Variants in ZNF117 observed in about 807,000 individuals in gnomAD.
ZNF117 encodes the protein Krueppel-related zinc finger protein.
A neutral mutation model predicts 41.2 loss-of-function variants in ZNF117; 37 were observed. The observed-to-expected ratio is 0.90, with a 90% confidence interval of 0.69 to 1.18. The LOEUF is 1.18. Among genes scored for constraint, ZNF117 ranks in the 50% most tolerant of loss-of-function variants. The pLI, the probability that ZNF117 is intolerant of heterozygous loss-of-function variation, is 0.00. For missense variants in ZNF117, 546 were observed against 557.5 expected (o/e 0.98, Z 0.21); for synonymous variants, 186 against 186.6 (o/e 1.00, Z 0.02).
At chr7:64,982,246 A>T (rs1786047841), upstream of ZNF117, 1 of 391,166 alleles carries the variant, frequency 2.6e-6, no homozygotes, top group African/African-American at 2.1e-5. Context: ...GGAGTGAATG[A>T]AACTATCCAT....
chr7:64,973,820 T>G (rs1785821475), downstream of ZNF117: 1 of 151,890 alleles, frequency 6.6e-6, no homozygotes, highest in African/African-American at 2.4e-5. Context: ...TCAGCAAAAT[T>G]TAGCTTTGCA....
In ZNF117 at chr7:64,979,215, CA is replaced by C. The variant is rs755272534; in HGVS notation, c.355del (p.Cys119AlafsTer6). ...ATGTTGAGTTAGGTGTGAAAGCATG[CA>C]AAATGTTTTGCGACATTCTTTACAT... On this transcript the variant is annotated frameshift_variant, in exon 3 of 3. Coordinates refer to ENST00000620222, the Ensembl canonical transcript of ZNF117. LOFTEE classifies it high-confidence loss of function. 4 of 1,609,364 alleles carry C rather than the reference CA, an allele frequency of 2.5e-6. No individual in the cohort carries two copies. The highest frequency in any genetic ancestry group is 3.4e-6 in the Non-Finnish European group (4 of 1,178,204).
chr7:64,976,239 C>G (rs537690687), exon 3 of ZNF117: 1 of 152,428 alleles, frequency 6.6e-6, no homozygotes, highest in East Asian at 1.9e-4. Context: ...GTCAGGAGTT[C>G]AAGATCAGCC....
chr7:64,980,656 A>C (rs1463938996), intron 2 of ZNF117: 3 of 151,988 alleles, frequency 2.0e-5, no homozygotes, highest in Non-Finnish European at 4.4e-5. Context: ...AGACAAGAGA[A>C]TATTGTGAGT....
intron 1 of ZNF117, among the ~76,000 whole-genome samples, 188 bp from the exon 3 acceptor site, chr7:64,981,670 G>C (rs761441361): frequency 6.6e-6 from 1 of 151,892 alleles, no homozygotes; most frequent in Non-Finnish European, 1.5e-5. Flanking sequence ...TTCACTACCT[G>C]GTACTACTGA....
intron 2 of ZNF117, 81 bp downstream of exon 3, chr7:64,981,306 C>T (rs1786027372): frequency 5.1e-6 from 8 of 1,554,636 alleles, no homozygotes; most frequent in Non-Finnish European, 7.1e-6. Flanking sequence ...ACACAGCTTA[C>T]CAAATCACAT....
At chr7:64,972,516 A>G (rs1785799512), downstream of ZNF117, 2 of 152,210 alleles carry the variant, frequency 1.3e-5, no homozygotes, top group Middle Eastern at 3.4e-3. Context: ...GGAGGACATC[A>G]TATTTGTCTA....
In ZNF117 at chr7:64,976,832, A is replaced by C. The variant is rs529150273; in HGVS notation, c.*1287T>G. 5.1e-5 allele frequency: 21 copies of C among 413,602 alleles called. No individual in the cohort carries two copies. In the East Asian group the frequency reaches 1.4e-3, roughly 27 times the overall value. The allele number at this position is 413,602 out of a possible 1,614,324, so 25.6% of individuals were successfully genotyped here. ...TCAGGTTTGTAAAGTTTCCAGTATT[A>C]ATTTTCTTATGTTTAGTAAAGTTTG... On this transcript the variant is annotated 3_prime_UTR_variant, in exon 3 of 3. Coordinates refer to ENST00000620222, the Ensembl canonical transcript of ZNF117.
rs777909640 is a variant in ZNF117, at chr7:64,981,460, G to T, written c.-40C>A. 3.1e-6 allele frequency: 5 copies of T among 1,609,814 alleles called. No homozygotes were observed. In the African/African-American group the frequency reaches 6.7e-5, roughly 22 times the overall value. ...TTCCTTGCTCCAGACAGGTAATCAG[G>T]TCTGGCTTAGAGACAGCAATACCTG... On this transcript the variant is annotated 5_prime_UTR_variant, in exon 2 of 3. Coordinates refer to ENST00000620222, the Ensembl canonical transcript of ZNF117.
Position 64,978,793 on chromosome 7 carries a change from G to A in ZNF117, c.778C>T (p.Arg260Ter), listed in dbSNP as rs373351021. The change falls in exon 3 of 3, where the codon CGA becomes TGA. Residue 260 changes from arginine to a stop codon, truncating the protein, a stop_gained. Transcript: ENST00000620222. LOFTEE classifies it high-confidence loss of function. ...TTATGTTCAGTAAGTTTTGAGGATC[G>A]GTTAAAAGCTTTGCCGCATTCTTCA... 26 of 1,613,250 alleles carry A rather than the reference G, an allele frequency of 1.6e-5. No homozygotes were observed. The highest frequency in any genetic ancestry group is 8.9e-5 in the East Asian group (4 of 44,844).
exon 1 of ZNF117, chr7:64,991,025 G>T: frequency 2.0e-6 from 1 of 491,696 alleles, no homozygotes; most frequent in Non-Finnish European, 3.6e-6. Context: ...TACTTAGTTA[G>T]GGCCATTAGT....
chr7:64,978,974 G>A (rs770318261), exon 3 of ZNF117: 10 of 1,613,160 alleles, frequency 6.2e-6, no homozygotes, highest in Non-Finnish European at 8.5e-6. Context: ...TAAAGGCTTT[G>A]CCACATTCTT....
Position 64,978,218 on chromosome 7 carries a change from GC to G in ZNF117, c.1352del (p.Gly451AlafsTer15). 1 of 1,612,434 alleles carries G rather than the reference GC, an allele frequency of 6.2e-7. No individual in the cohort carries two copies. The highest frequency in any genetic ancestry group is 8.5e-7 in the Non-Finnish European group (1 of 1,179,436). On this transcript the variant is annotated frameshift_variant, in exon 3 of 3. Coordinates refer to ENST00000620222, the Ensembl canonical transcript of ZNF117. LOFTEE classifies it high-confidence loss of function. ...GTGTTGAAGATTGGTTAAAAGCTTT[GC>G]CACATTCTTCACATTTGTAGGGTTT...
chr7:64,979,130 G>T (rs1584047993), exon 3 of ZNF117: 1 of 1,610,560 alleles, frequency 6.2e-7, no homozygotes, highest in Non-Finnish European at 8.5e-7. Context: ...TTGAGGACCA[G>T]TTAAAGGCTC....
chr7:64,989,475 A>G (rs1399866498), intron 1 of ZNF117, among the ~76,000 whole-genome samples: 2 of 115,112 alleles, frequency 1.7e-5, no homozygotes, highest in Middle Eastern at 4.3e-3. Flanking sequence ...ATATATATAT[A>G]TATATATATA....
chr7:64,981,486 T>A lies in ZNF117; in HGVS notation c.-62-4A>T, dbSNP rs1786032785. 5 of 1,570,004 alleles carry A rather than the reference T, an allele frequency of 3.2e-6. No individual in the cohort carries two copies. Among genetic ancestry groups the A allele is most frequent in the Non-Finnish European group, 4.4e-6 (5 of 1,141,148 alleles). ...TCTGGCTTAGAGACAGCAATACCTGTTTTATTGAAAATAAATAACATAAAT... is the reference window on the plus strand; with the variant it reads ...TCTGGCTTAGAGACAGCAATACCTGATTTATTGAAAATAAATAACATAAAT... On this transcript the variant is annotated splice_polypyrimidine_tract_variant and splice_region_variant and intron_variant, in intron 1 of 2. Transcript: ENST00000620222.
At chr7:64,977,877 G>C in exon 3 of ZNF117, 1 of 1,178,984 alleles carries the variant, frequency 8.5e-7, no homozygotes, top group East Asian at 2.4e-5. Context: ...TCAATTAAAA[G>C]CTCTGCCACA....
upstream of ZNF117, among the ~76,000 whole-genome samples, chr7:64,984,179 T>C (rs910239675): frequency 3.9e-5 from 6 of 152,178 alleles, no homozygotes; most frequent in Non-Finnish European, 8.8e-5. Flanking sequence ...TCATCCAGGC[T>C]GGAGTGTAGT....
upstream of ZNF117, among the ~76,000 whole-genome samples, chr7:64,985,347 T>A (rs1352241491): frequency 1.3e-5 from 2 of 152,238 alleles, no homozygotes; most frequent in Non-Finnish European, 2.9e-5. Flanking sequence ...CCTTGGATAA[T>A]CTGTATTCTA....
Sources: gnomAD v4.1 joint callset for allele counts (sites outside exome capture counted in the v4.1 genomes callset) on GRCh38, gnomAD v4.1.1 for gene constraint, MANE v1.5 for transcripts, NCBI Gene and HGNC (gene_info 2026-07-23, HGNC 2026-07-21) for gene names.